Variants in ACKR2 observed in about 807,000 individuals in gnomAD.
ACKR2 encodes the protein atypical chemokine receptor 2, also known as C-C chemokine receptor D6.
For synonymous variants in ACKR2, 207 were observed against 192.2 expected (o/e 1.08, Z -0.64); for missense variants, 457 against 477.3 (o/e 0.96, Z 0.40).
rs1553699635 is a variant in ACKR2, at chr3:42,825,577, A to AT, written c.-38+5867dup. The stretch of plus-strand genomic sequence containing the variant: ...TTGCTGAGATAACTTGTTAGCTCTG[A>AT]TGTGTGTGTGTGTGTGTGTGTGTGC... On this transcript the variant is annotated intron_variant, in intron 2 of 2. Transcript: ENST00000422265. Among the ~76,000 whole-genome samples the AT allele has an allele frequency of 6.1e-5, 9 of 148,720 alleles. No individual in the cohort carries two copies. In the Admixed American group the frequency reaches 6.2e-4, roughly 10 times the overall value.
chr3:42,848,975 T>C (rs1701125231), intron 2 of ACKR2, among the ~76,000 whole-genome samples: 1 of 152,098 alleles, frequency 6.6e-6, no homozygotes, highest in Non-Finnish European at 1.5e-5. Context: ...TTCAAAACTG[T>C]CAAGGTCATG....
Position 42,865,822 on chromosome 3 carries a change from C to CT in ACKR2, c.*168dup, listed in dbSNP as rs1005923714. On this transcript the variant is annotated 3_prime_UTR_variant, in exon 3 of 3. Coordinates refer to ENST00000422265, the MANE Select transcript of ACKR2 (RefSeq NM_001296.5). The stretch of plus-strand genomic sequence containing the variant: ...TTGCTCGCCCCGCCTTCTTCCTCCA[C>CT]TTTCTTCACTTGCTTCCAGGATACC... The CT allele has an allele frequency of 8.6e-6, 5 of 583,632 alleles. No individual in the cohort carries two copies. The highest frequency in any genetic ancestry group is 3.7e-5 in the African/African-American group (2 of 53,388). The allele number at this position is 583,632 out of a possible 1,614,324, so 36.2% of individuals were successfully genotyped here.
At chr3:42,812,152 G>A (rs1700703729) in intron 1 of ACKR2, among the ~76,000 whole-genome samples, 2 of 152,164 alleles carry the variant, frequency 1.3e-5, no homozygotes, top group South Asian at 4.1e-4. Context: ...ACCTGACGAG[G>A]AATACCCAGA....
intron 2 of ACKR2, among the ~76,000 whole-genome samples, chr3:42,849,871 G>T (rs930477112): frequency 3.3e-5 from 5 of 152,222 alleles, no homozygotes; most frequent in African/African-American, 9.6e-5. Flanking sequence ...TATATTAAAT[G>T]TATAAAATAC....
intron 2 of ACKR2, chr3:42,834,537 G>C (rs1700967211): frequency 6.6e-6 from 1 of 151,382 alleles, no homozygotes; most frequent in Non-Finnish European, 1.5e-5. Flanking sequence ...ACTATGTCTG[G>C]GTAATTTTTT....
At chr3:42,837,684 G>A (rs544042245) in intron 2 of ACKR2, among the ~76,000 whole-genome samples, 8 of 152,190 alleles carry the variant, frequency 5.3e-5, no homozygotes, top group African/African-American at 1.2e-4. Flanking sequence ...GATCACCTCC[G>A]GAAACACCTT....
chr3:42,832,987 C>T (rs1171960585), intron 2 of ACKR2, among the ~76,000 whole-genome samples: 2 of 152,196 alleles, frequency 1.3e-5, no homozygotes, highest in Non-Finnish European at 2.9e-5. Flanking sequence ...CCTCAGCCTC[C>T]CGAGTAGCTG....
At chr3:42,864,174 A>C (rs929811789) in intron 2 of ACKR2, among the ~76,000 whole-genome samples, 3 of 152,214 alleles carry the variant, frequency 2.0e-5, no homozygotes, top group Admixed American at 1.3e-4. Context: ...ATGAAGAAAC[A>C]AAACCATAAT....
At chr3:42,848,942 T>A (rs1406137214) in intron 2 of ACKR2, among the ~76,000 whole-genome samples, 1 of 152,188 alleles carries the variant, frequency 6.6e-6, no homozygotes, top group Non-Finnish European at 1.5e-5. Context: ...AGGGACATTC[T>A]ACAAATGAAC....
chr3:42,845,473 T>G lies in ACKR2; in HGVS notation c.-37-18993T>G, dbSNP rs190684555. 2.4e-3 allele frequency among the ~76,000 whole-genome samples: 361 copies of G among 152,242 alleles called. 1 individual carries two copies. The highest frequency in any genetic ancestry group is 6.8e-3 in the African/African-American group (283 of 41,552). ...ACCTCCTGGGCTCAGGCAATTCTTGTGCCTCAGCCTCCTGAACAGCTGGAA... is the reference window on the plus strand; with the variant it reads ...ACCTCCTGGGCTCAGGCAATTCTTGGGCCTCAGCCTCCTGAACAGCTGGAA... On this transcript the variant is annotated intron_variant, in intron 2 of 2. Coordinates refer to ENST00000422265, the MANE Select transcript of ACKR2 (RefSeq NM_001296.5).
chr3:42,820,009 G>C (rs771135597), intron 2 of ACKR2, among the ~76,000 whole-genome samples: 1 of 152,186 alleles, frequency 6.6e-6, no homozygotes, highest in Non-Finnish European at 1.5e-5. Context: ...CTGCAAACAG[G>C]TTTTTATTGG....
rs567082118 is a variant in ACKR2, at chr3:42,814,136, G to A, written c.-119+4604G>A. ...AATCAGATGATTCAGTCAATTTTTG[G>A]TGAAGATTATTCTGCTACACTTTAT... On this transcript the variant is annotated intron_variant, in intron 1 of 2. Transcript: ENST00000422265. Among the ~76,000 whole-genome samples the A allele has an allele frequency of 1.2e-3, 180 of 152,240 alleles. 1 individual carries two copies. The highest frequency in any genetic ancestry group is 5.7e-4 in the Non-Finnish European group (39 of 68,020).
intron 2 of ACKR2, among the ~76,000 whole-genome samples, chr3:42,854,531 C>T (rs2088290824): frequency 6.6e-6 from 1 of 152,150 alleles, no homozygotes; most frequent in South Asian, 2.1e-4. Context: ...GTTGTGAGGG[C>T]CATCCAATCC....
chr3:42,829,103 G>A (rs1299723640), intron 2 of ACKR2, among the ~76,000 whole-genome samples: 1 of 152,138 alleles, frequency 6.6e-6, no homozygotes, highest in Non-Finnish European at 1.5e-5. Context: ...AAGAATGGGC[G>A]ATCTTTGGAT....
chr3:42,819,651 A>T lies in ACKR2; in HGVS notation c.-98A>T, dbSNP rs1045311429. The T allele has an allele frequency of 6.6e-6, 1 of 152,306 alleles. No homozygotes were observed. Among genetic ancestry groups the T allele is most frequent in the Non-Finnish European group, 1.5e-5 (1 of 68,100 alleles). 9.4% of individuals were successfully genotyped at this position (152,306 alleles called of 1,614,324 possible). A position where few individuals can be genotyped will look rare whatever the true frequency, so the allele number is the denominator to read the frequency against. ...CACAGAGCCTGTTGGTGACCTGCAC[A>T]CAGGAGCCCTCCAGTCAGTACTGAT... On this transcript the variant is annotated 5_prime_UTR_variant, in exon 2 of 3. Transcript: ENST00000422265.
chr3:42,840,013 C>G (rs1276291273), intron 2 of ACKR2, among the ~76,000 whole-genome samples: 1 of 152,088 alleles, frequency 6.6e-6, no homozygotes, highest in Non-Finnish European at 1.5e-5. Flanking sequence ...AATCCCAGCA[C>G]TTTGGGAAGC....
chr3:42,841,745 C>G (rs1207888109), intron 2 of ACKR2: 1 of 152,270 alleles, frequency 6.6e-6, no homozygotes, highest in East Asian at 1.9e-4. Flanking sequence ...TATGATTTAC[C>G]TCCAGATGAA....
chr3:42,820,916 A>G (rs1700804517), intron 2 of ACKR2, among the ~76,000 whole-genome samples: 1 of 149,554 alleles, frequency 6.7e-6, no homozygotes, highest in Non-Finnish European at 1.5e-5. Context: ...ATGGAGTCTC[A>G]CACTGTTGCC....
At chr3:42,853,841 A>T (rs180884681) in intron 2 of ACKR2, among the ~76,000 whole-genome samples, 1 of 152,366 alleles carries the variant, frequency 6.6e-6, no homozygotes, top group African/African-American at 2.4e-5. Context: ...GGAAGCCAGC[A>T]AAAGTATTTT....
Sources: gnomAD v4.1 joint callset for allele counts (sites outside exome capture counted in the v4.1 genomes callset) on GRCh38, gnomAD v4.1.1 for gene constraint, MANE v1.5 for transcripts, NCBI Gene and HGNC (gene_info 2026-07-23, HGNC 2026-07-21) for gene names.